BAIAP2: variants seen among roughly 807,000 people sequenced by gnomAD.
BAIAP2 encodes the protein BAR/IMD domain-containing adapter protein 2.
Under a neutral mutation model 63.0 loss-of-function variants are expected in BAIAP2, and 18 were observed. The observed-to-expected ratio is 0.29, with a 90% CI of 0.20 to 0.42. The LOEUF (loss-of-function observed/expected upper bound fraction) is 0.42. BAIAP2 is among the 10% of genes least tolerant of loss of function. The probability of loss-of-function intolerance (pLI) is 1.00; values close to 1 mark genes in which losing one functional copy is unlikely to be tolerated. For missense variants in BAIAP2, 610 were observed against 734.3 expected (o/e 0.83, Z 1.96); for synonymous variants, 386 against 307.6 (o/e 1.25, Z -2.67).
rs2046291736 is a variant in BAIAP2, at chr17:81,036,537, G to T, written c.54+1229G>T. Among the ~76,000 whole-genome samples the T allele has an allele frequency of 2.0e-5, 3 of 152,248 alleles. No homozygotes were observed. In the South Asian group the frequency reaches 6.2e-4, roughly 31 times the overall value. On this transcript the variant is annotated intron_variant, in intron 1 of 13. Transcript: ENST00000428708. ...TGGCCCCTCTGGTTCCAGCTGGAGT[G>T]CAGGGGGCCGATTGCACTTGAATAC...
intron 6 of BAIAP2, chr17:81,098,290 G>A: frequency 4.2e-6 from 4 of 949,466 alleles, no homozygotes; most frequent in South Asian, 9.8e-5. Context: ...GGCAGCGGCC[G>A]CCCTCAGCTT....
At chr17:81,078,962 T>C (rs978399888) in intron 3 of BAIAP2, among the ~76,000 whole-genome samples, 1 of 151,878 alleles carries the variant, frequency 6.6e-6, no homozygotes, top group Non-Finnish European at 1.5e-5. Context: ...GGGTAAGACC[T>C]GGGGGGAGTG....
chr17:81,086,296 G>C (rs1056275669), intron 5 of BAIAP2, 147 bp from the exon 6 acceptor site: 1 of 999,894 alleles, frequency 1.0e-6, no homozygotes, highest in African/African-American at 1.6e-5. Flanking sequence ...GAGCATGCAC[G>C]GCCAGAGAGC....
At position 81,038,254 on chromosome 17, in the gene BAIAP2, C is replaced by T. The variant is rs191001996; in HGVS notation, c.54+2946C>T. 3.6e-3 allele frequency among the ~76,000 whole-genome samples: 543 copies of T among 152,346 alleles called. 4 individuals are homozygous for T. Among genetic ancestry groups the T allele is most frequent in the African/African-American group, 0.013 (522 of 41,572 alleles). ...GCCCTCTTGGGGAAGCCCCGTGCAT[C>T]CCTGTGTGCTGAGGGGCTGGCTCCC... On this transcript the variant is annotated intron_variant, in intron 1 of 13. Coordinates refer to ENST00000428708, the MANE Select transcript of BAIAP2 (RefSeq NM_001144888.2).
intron 1 of BAIAP2, among the ~76,000 whole-genome samples, chr17:81,048,313 C>T (rs2048129081): frequency 7.3e-6 from 1 of 137,080 alleles, no homozygotes; most frequent in East Asian, 2.1e-4. Context: ...GCTGAGAATG[C>T]ACCACTGCAC....
At chr17:81,088,491 C>CA (rs2056116935) in intron 6 of BAIAP2, among the ~76,000 whole-genome samples, 1 of 152,262 alleles carries the variant, frequency 6.6e-6, no homozygotes, top group African/African-American at 2.4e-5. Context: ...CGTTTTAGAG[C>CA]ATTTTTCAAT....
At chr17:81,057,155 C>A (rs76912602) in intron 2 of BAIAP2, among the ~76,000 whole-genome samples, 2 of 152,116 alleles carry the variant, frequency 1.3e-5, no homozygotes, top group African/African-American at 4.8e-5. Context: ...GCCCTTTCTG[C>A]GGCCTGGAGG....
chr17:81,035,199 G>A lies in BAIAP2; in HGVS notation c.-56G>A. The stretch of plus-strand genomic sequence containing the variant: ...CCGTCCTGCTGCCGTTACCGCCGCT[G>A]CTGCCGCCGCTTGCGTCCCCCGCTC... On this transcript the variant is annotated 5_prime_UTR_variant, in exon 1 of 14. Coordinates refer to ENST00000428708, the MANE Select transcript of BAIAP2 (RefSeq NM_001144888.2). 2.1e-6 allele frequency: 3 copies of A among 1,401,652 alleles called. No homozygotes were observed. The highest frequency in any genetic ancestry group is 1.9e-6 in the Non-Finnish European group (2 of 1,052,530). 86.8% of individuals were successfully genotyped at this position (1,401,652 alleles called of 1,614,324 possible).
At chr17:81,109,993 T>C in intron 13 of BAIAP2, 1 of 985,416 alleles carries the variant, frequency 1.0e-6, no homozygotes, top group Non-Finnish European at 1.2e-6. Context: ...CTAAACGCTC[T>C]CGTCTTTTTG....
At chr17:81,067,756 C>A (rs145180603) in intron 3 of BAIAP2, among the ~76,000 whole-genome samples, 4 of 152,362 alleles carry the variant, frequency 2.6e-5, no homozygotes, top group South Asian at 4.1e-4. Flanking sequence ...CCTCCCTGAG[C>A]GCTCACGCCA....
chr17:81,111,855 G>A (rs938279389), intron 13 of BAIAP2, among the ~76,000 whole-genome samples: 3 of 152,216 alleles, frequency 2.0e-5, no homozygotes, highest in African/African-American at 7.2e-5. Flanking sequence ...TGCTAGGAGG[G>A]CGGCTCTGCA....
At chr17:81,038,838 T>TG (rs1275790269) in intron 1 of BAIAP2, among the ~76,000 whole-genome samples, 1 of 151,258 alleles carries the variant, frequency 6.6e-6, no homozygotes. Flanking sequence ...CGGTGGGGGG[T>TG]GGTCTCTGAC....
rs533334390 is a variant in BAIAP2 at position 81,098,433 on chromosome 17, A to T, written c.490-1495A>T. Among the ~76,000 whole-genome samples the T allele has an allele frequency of 3.6e-3, 537 of 149,414 alleles. 3 individuals carry two copies. The highest frequency in any genetic ancestry group is 0.012 in the African/African-American group (471 of 40,354). On this transcript the variant is annotated intron_variant, in intron 6 of 13. Transcript: ENST00000428708. ...ACTTCTTTTAAAGTTTTTTTTTTTTAAATTGTGATAAAATACACGTAACTA... is the reference window on the plus strand; with the variant it reads ...ACTTCTTTTAAAGTTTTTTTTTTTTTAATTGTGATAAAATACACGTAACTA...
intron 6 of BAIAP2, among the ~76,000 whole-genome samples, chr17:81,094,063 C>T (rs1177748789): frequency 6.6e-6 from 1 of 152,070 alleles, no homozygotes; most frequent in East Asian, 1.9e-4. Flanking sequence ...AGGGCTTCTG[C>T]ATCCGCAGCT....
intron 9 of BAIAP2, 94 bp downstream of exon 9, chr17:81,104,202 A>G (rs2058846849): frequency 1.5e-6 from 2 of 1,346,738 alleles, no homozygotes; most frequent in Non-Finnish European, 2.1e-6. Context: ...GGCCTGGGAG[A>G]CCCTGAGGCT....
intron 3 of BAIAP2, among the ~76,000 whole-genome samples, chr17:81,064,734 A>T (rs1190897404): frequency 6.6e-6 from 1 of 152,180 alleles, no homozygotes; most frequent in Non-Finnish European, 1.5e-5. Flanking sequence ...TCTGGCACAC[A>T]GCTGGGGAGG....
intron 13 of BAIAP2, among the ~76,000 whole-genome samples, chr17:81,111,616 C>G (rs184449816): frequency 6.6e-5 from 10 of 152,386 alleles, no homozygotes; most frequent in Non-Finnish European, 1.3e-4. Context: ...CCGGGGACCA[C>G]AGGGCCATTA....
rs147662037 is a variant in BAIAP2, at chr17:81,056,128, G to A, written c.131-1753G>A. ...ATGTTGACGCTGGAGAGAGGCTCCC[G>A]AATCAGAGTAGGAAGGCTGAGGCCC... On this transcript the variant is annotated intron_variant, in intron 2 of 13. Coordinates refer to ENST00000428708, the MANE Select transcript of BAIAP2 (RefSeq NM_001144888.2). Among the ~76,000 whole-genome samples the A allele has an allele frequency of 5.8e-3, 879 of 152,296 alleles. 6 individuals carry two copies. Among genetic ancestry groups the A allele is most frequent in the African/African-American group, 0.019 (802 of 41,562 alleles).
At chr17:81,102,693 G>T (rs187918622) in intron 7 of BAIAP2, among the ~76,000 whole-genome samples, 1 of 151,464 alleles carries the variant, frequency 6.6e-6, no homozygotes, top group Non-Finnish European at 1.5e-5. Flanking sequence ...GGTCCCCAGC[G>T]TGGGTGCCCA....
Sources: allele counts gnomAD v4.1 joint callset (sites outside exome capture counted in the v4.1 genomes callset), GRCh38; gene constraint gnomAD v4.1.1; transcripts MANE v1.5; gene names NCBI Gene and HGNC (gene_info 2026-07-23, HGNC 2026-07-21).